Variants in WWOX observed in about 807,000 individuals in gnomAD.
WWOX encodes the protein WW domain-containing oxidoreductase.
A neutral mutation model predicts 46.2 loss-of-function variants in WWOX; 69 were observed. The observed-to-expected ratio is 1.49, with a 90% CI of 1.23 to 1.82. The LOEUF is 1.82. Ranked by LOEUF, WWOX falls within the 40% of genes most tolerant of loss-of-function variation. The pLI, the probability that WWOX is intolerant of heterozygous loss-of-function variation, is 0.00. For synonymous variants in WWOX, 359 were observed against 202.6 expected (o/e 1.77, Z -6.56); for missense variants, 919 against 542.6 (o/e 1.69, Z -6.89).
At chr16:79,009,434 C>T (rs1421060033) in intron 8 of WWOX, among the ~76,000 whole-genome samples, 1 of 151,686 alleles carries the variant, frequency 6.6e-6, no homozygotes, top group South Asian at 2.1e-4. Context: ...AAAGGAGACA[C>T]TGGGGCTTCT....
In WWOX at chr16:78,721,432, A is replaced by G. The variant is rs143861177; in HGVS notation, c.1056+288680A>G. On this transcript the variant is annotated intron_variant, in intron 8 of 8. Transcript: ENST00000566780. Reference sequence around the variant, plus strand: ...ATTGTATGAACATATTGTCGGCTGGAGAGTATTCAGCTGTCAGACAAAGTG... The same window carrying G: ...ATTGTATGAACATATTGTCGGCTGGGGAGTATTCAGCTGTCAGACAAAGTG... 4.4e-3 allele frequency among the ~76,000 whole-genome samples: 673 copies of G among 152,278 alleles called. 4 individuals carry two copies. Among genetic ancestry groups the G allele is most frequent in the African/African-American group, 0.016 (645 of 41,558 alleles).
At chr16:79,181,336 T>A (rs2050907635) in intron 8 of WWOX, among the ~76,000 whole-genome samples, 1 of 152,248 alleles carries the variant, frequency 6.6e-6, no homozygotes, top group African/African-American at 2.4e-5. Context: ...CAATCATTCC[T>A]CTGTTTATGG....
chr16:78,212,103 G>A lies in WWOX; in HGVS notation c.516+47814G>A, dbSNP rs115854630. ...AGCATCCTGTTTGGAATGCAGGGCC[G>A]GGAACTGCCCTGCCCAGTCCAGCCT... is the stretch of plus-strand genomic sequence containing the variant. On this transcript the variant is annotated intron_variant, in intron 5 of 8. Coordinates refer to ENST00000566780, the MANE Select transcript of WWOX (RefSeq NM_016373.4). Among the ~76,000 whole-genome samples, 1,215 of 152,282 alleles carry A rather than the reference G, an allele frequency of 8.0e-3. 18 individuals are homozygous for A. The highest frequency in any genetic ancestry group is 0.028 in the African/African-American group (1,164 of 41,570).
rs1243470436 is a variant in WWOX at position 78,850,638 on chromosome 16, C to G, written c.1057-360970C>G. On this transcript the variant is annotated intron_variant, in intron 8 of 8. Coordinates refer to ENST00000566780, the MANE Select transcript of WWOX (RefSeq NM_016373.4). ...TATTTACCATCACCATCCTTGTTCACCATTGTTGAAGCTTTATGTAATGAC... is the reference window on the plus strand; with the variant it reads ...TATTTACCATCACCATCCTTGTTCAGCATTGTTGAAGCTTTATGTAATGAC... Among the ~76,000 whole-genome samples the G allele has an allele frequency of 1.3e-5, 2 of 152,254 alleles. 1 individual carries two copies. The highest frequency in any genetic ancestry group is 3.9e-4 in the East Asian group (2 of 5,182).
At chr16:78,452,877 A>G (rs1215584773) in intron 8 of WWOX, among the ~76,000 whole-genome samples, 1 of 149,570 alleles carries the variant, frequency 6.7e-6, no homozygotes, top group Admixed American at 6.7e-5. Flanking sequence ...TTATATATAT[A>G]TATACATATT....
chr16:78,475,255 C>G (rs961333549), intron 8 of WWOX, among the ~76,000 whole-genome samples: 2 of 152,204 alleles, frequency 1.3e-5, no homozygotes, highest in African/African-American at 4.8e-5. Context: ...GCTGCTTCTT[C>G]ATCTTTATCT....
At chr16:78,646,662 AG>A (rs2046852339) in intron 8 of WWOX, among the ~76,000 whole-genome samples, 1 of 152,158 alleles carries the variant, frequency 6.6e-6, no homozygotes, top group Non-Finnish European at 1.5e-5. Flanking sequence ...TCCTGACCTC[AG>A]GTGATCCGCC....
At chr16:78,562,156 C>G (rs1420861132) in intron 8 of WWOX, among the ~76,000 whole-genome samples, 4 of 152,158 alleles carry the variant, frequency 2.6e-5, no homozygotes, top group Non-Finnish European at 4.4e-5. Context: ...GATCCAAGCT[C>G]TCTGGAAATC....
intron 4 of WWOX, among the ~76,000 whole-genome samples, chr16:78,132,027 CTT>C (rs1298818927): frequency 1.7e-4 from 22 of 128,448 alleles, no homozygotes; most frequent in Admixed American, 4.6e-4. Flanking sequence ...TTTTCTTTTT[CTT>C]TTTTTTTTTT....
chr16:78,572,115 A>C (rs193275947), intron 8 of WWOX, among the ~76,000 whole-genome samples: 130 of 152,330 alleles, frequency 8.5e-4, no homozygotes, highest in African/African-American at 3.1e-3. Flanking sequence ...AACTAGGAAA[A>C]GCTCAGGAAT....
At chr16:78,493,138 T>C (rs1221892908) in intron 8 of WWOX, among the ~76,000 whole-genome samples, 1 of 152,158 alleles carries the variant, frequency 6.6e-6, no homozygotes, top group Non-Finnish European at 1.5e-5. Flanking sequence ...AGCCTGGACT[T>C]CTTCCTGGGA....
intron 8 of WWOX, among the ~76,000 whole-genome samples, chr16:78,988,641 G>C (rs946833420): frequency 2.6e-5 from 4 of 152,186 alleles, no homozygotes; most frequent in Admixed American, 6.5e-5. Flanking sequence ...GGAAGTTACT[G>C]ATGTGTTCAT....
At chr16:78,196,402 G>A (rs1027791698) in intron 5 of WWOX, among the ~76,000 whole-genome samples, 3 of 152,160 alleles carry the variant, frequency 2.0e-5, no homozygotes, top group Admixed American at 6.5e-5. Context: ...AATTACTGCT[G>A]TACTCTTTAA....
intron 8 of WWOX, chr16:78,506,693 G>GTTTTTT (rs2085212800): frequency 7.9e-6 from 1 of 126,738 alleles, no homozygotes; most frequent in Non-Finnish European, 1.6e-5. Context: ...ACCTTTTTGT[G>GTTTTTT]TGTTTTTTTT....
chr16:78,633,668 G>T (rs187089108), intron 8 of WWOX, among the ~76,000 whole-genome samples: 51 of 152,262 alleles, frequency 3.3e-4, no homozygotes, highest in Non-Finnish European at 4.3e-4. Flanking sequence ...AAAGCAACTT[G>T]TGCTACCTCC....
chr16:78,757,505 G>C (rs1283727939), intron 8 of WWOX, among the ~76,000 whole-genome samples: 3 of 152,134 alleles, frequency 2.0e-5, no homozygotes, highest in Non-Finnish European at 4.4e-5. Context: ...AGCTTGTTGA[G>C]ACAGCTAAAT....
intron 8 of WWOX, among the ~76,000 whole-genome samples, chr16:78,885,673 T>A (rs1323970571): frequency 6.6e-6 from 1 of 152,156 alleles, no homozygotes; most frequent in Non-Finnish European, 1.5e-5. Context: ...TGTAAATAGT[T>A]TTTGCAGTTT....
chr16:78,617,626 C>T (rs1183754306), intron 8 of WWOX, among the ~76,000 whole-genome samples: 1 of 152,016 alleles, frequency 6.6e-6, no homozygotes, highest in Non-Finnish European at 1.5e-5. Flanking sequence ...TCCCCCAATC[C>T]CAAACTAGAA....
intron 8 of WWOX, among the ~76,000 whole-genome samples, chr16:79,068,720 A>G (rs1200842680): frequency 1.3e-5 from 2 of 151,794 alleles, no homozygotes; most frequent in Admixed American, 1.3e-4. Flanking sequence ...CTGAGGTGGG[A>G]GGATGGCTCG....
Sources: gnomAD v4.1 joint callset for allele counts (sites outside exome capture counted in the v4.1 genomes callset) on GRCh38, gnomAD v4.1.1 for gene constraint, MANE v1.5 for transcripts, NCBI Gene and HGNC (gene_info 2026-07-23, HGNC 2026-07-21) for gene names.